FREM1: variants seen among roughly 807,000 people sequenced by gnomAD.
FREM1 encodes FRAS1 related extracellular matrix 1.
A neutral mutation model predicts 210.1 loss-of-function variants in FREM1; 220 were observed. The observed-to-expected ratio is 1.05, with a 90% CI of 0.94 to 1.17. FREM1 has a LOEUF of 1.17. FREM1 is among the 50% of genes most tolerant of loss of function. The probability of loss-of-function intolerance (pLI) is 0.00; values close to 1 mark genes in which losing one functional copy is unlikely to be tolerated. For missense variants in FREM1, 3,454 were observed against 2,675.5 expected (o/e 1.29, Z -6.42); for synonymous variants, 1,189 against 980.2 (o/e 1.21, Z -3.98).
chr9:14,903,685 A>G (rs1817120740), intron 1 of FREM1, among the ~76,000 whole-genome samples: 1 of 152,234 alleles, frequency 6.6e-6, no homozygotes, highest in Admixed American at 6.5e-5. Flanking sequence ...TGAAGGCAGA[A>G]GGACAACACT....
chr9:14,789,588 A>G (rs778654932), intron 22 of FREM1, among the ~76,000 whole-genome samples: 1 of 152,248 alleles, frequency 6.6e-6, no homozygotes, highest in Non-Finnish European at 1.5e-5. Flanking sequence ...GAACAAAAAT[A>G]GAACAGATGC....
intron 3 of FREM1, among the ~76,000 whole-genome samples, chr9:14,860,710 CAT>C (rs1564100593): frequency 4.5e-5 from 3 of 67,166 alleles, no homozygotes; most frequent in Non-Finnish European, 8.0e-5. Context: ...TATATACACA[CAT>C]ATATACACAT....
chr9:14,831,365 G>A (rs577476930), intron 10 of FREM1, among the ~76,000 whole-genome samples: 6 of 152,306 alleles, frequency 3.9e-5, no homozygotes, highest in South Asian at 4.1e-4. Flanking sequence ...CTTCTCTGGC[G>A]AGCACATGGT....
In FREM1 at chr9:14,863,832, G is replaced by C. The variant is rs1455528112; in HGVS notation, c.306C>G (p.Asp102Glu). The change falls in exon 3 of 37, where the codon GAC (aspartate) becomes GAG (glutamate). Residue 102 changes from aspartate (D) to glutamate (E), a missense_variant. By Grantham distance (45) the Asp-to-Glu change is conservative. Transcript: ENST00000380880. ...VHNGCPILDE[D>E]TVKLRLYRFT... is the part of the protein sequence containing the mutation. ...ACCTGTAAAGTCTGAGCTTCACTGT[G>C]TCTTCATCAAGAATTGGACAACCAT... is the stretch of plus-strand genomic sequence containing the variant. The C allele has an allele frequency of 2.5e-6, 4 of 1,612,124 alleles. No homozygotes were observed. The highest frequency in any genetic ancestry group is 2.5e-6 in the Non-Finnish European group (3 of 1,178,392).
intron 5 of FREM1, among the ~76,000 whole-genome samples, chr9:14,852,366 A>G (rs1341304291): frequency 1.3e-5 from 2 of 152,164 alleles, no homozygotes; most frequent in African/African-American, 2.4e-5. Flanking sequence ...ACAAGATCTA[A>G]GATCTCAACA....
chr9:14,748,681 C>A, intron 30 of FREM1, 42 bp from the exon 31 acceptor site: 1 of 1,283,256 alleles, frequency 7.8e-7, no homozygotes. Flanking sequence ...TCATTTTACA[C>A]AAACAGATAA....
At chr9:14,791,662 C>A (rs527697012) in intron 22 of FREM1, among the ~76,000 whole-genome samples, 1 of 152,212 alleles carries the variant, frequency 6.6e-6, no homozygotes, top group East Asian at 1.9e-4. Flanking sequence ...GAATACAGAA[C>A]AATTTGGCAT....
At chr9:14,780,433 G>GAAAAAAAAAAAAAAAAACAAAAAAA in intron 24 of FREM1, among the ~76,000 whole-genome samples, 1 of 81,536 alleles carries the variant, frequency 1.2e-5, no homozygotes, top group Non-Finnish European at 2.6e-5. Flanking sequence ...CAGCTCCTCA[G>GAAAAAAAAAAAAAAAAACAAAAAAA]AAAAAAAAAA....
chr9:14,903,048 C>G (rs537785357), intron 1 of FREM1, among the ~76,000 whole-genome samples: 3 of 152,196 alleles, frequency 2.0e-5, no homozygotes, highest in Non-Finnish European at 4.4e-5. Flanking sequence ...AAATCACCCT[C>G]GAGTGACATT....
At chr9:14,900,830 A>G (rs1000888291) in intron 1 of FREM1, among the ~76,000 whole-genome samples, 12 of 152,300 alleles carry the variant, frequency 7.9e-5, no homozygotes, top group African/African-American at 2.6e-4. Context: ...CTTATAGTGC[A>G]TGGAAATCAC....
intron 18 of FREM1, among the ~76,000 whole-genome samples, 156 bp from the exon 19 acceptor site, chr9:14,805,308 C>G (rs1285185375): frequency 6.6e-6 from 1 of 152,216 alleles, no homozygotes; most frequent in African/African-American, 2.4e-5. Flanking sequence ...GCTGCTACAA[C>G]AGCCAACCAT....
intron 27 of FREM1, among the ~76,000 whole-genome samples, chr9:14,767,776 AC>A (rs1287365715): frequency 2.0e-5 from 3 of 151,980 alleles, no homozygotes; most frequent in Non-Finnish European, 2.9e-5. Context: ...GAGTAATTTT[AC>A]CCCCCCATCG....
chr9:14,873,810 T>C (rs1052951446), intron 1 of FREM1, among the ~76,000 whole-genome samples: 1 of 152,254 alleles, frequency 6.6e-6, no homozygotes, highest in African/African-American at 2.4e-5. Context: ...CATTTAGTGC[T>C]ATAAATTTCC....
intron 22 of FREM1, chr9:14,790,820 T>C (rs1851179063): frequency 1.3e-5 from 2 of 152,234 alleles, no homozygotes; most frequent in Non-Finnish European, 1.5e-5. Context: ...TGGACCCATC[T>C]GCATTTTCAC....
chr9:14,808,135 C>G lies in FREM1; in HGVS notation c.2894-1G>C. ...CAAGGCATCAGGCCAATCTCGCCAC[C>G]TGGAAGACACAACTATAGCTGAAAC... On this transcript the variant is annotated splice_acceptor_variant, in intron 16 of 36. Coordinates refer to ENST00000380880, the MANE Select transcript of FREM1 (RefSeq NM_001379081.2). LOFTEE classifies it high-confidence loss of function. 1.3e-6 allele frequency: 2 copies of G among 1,580,080 alleles called. No homozygotes were observed. Among genetic ancestry groups the G allele is most frequent in the Non-Finnish European group, 8.6e-7 (1 of 1,161,720 alleles).
chr9:14,753,343 A>G (rs933937850), intron 29 of FREM1, among the ~76,000 whole-genome samples: 1 of 152,218 alleles, frequency 6.6e-6, no homozygotes, highest in Non-Finnish European at 1.5e-5. Flanking sequence ...TCCCTTGGAA[A>G]ACATTTTGAC....
At chr9:14,747,116 C>G (rs1842598099) in intron 33 of FREM1, 65 bp from the exon 34 acceptor site, 1 of 1,606,118 alleles carries the variant, frequency 6.2e-7, no homozygotes, top group Non-Finnish European at 8.5e-7. Context: ...CACACATTCA[C>G]CTCCTTTGGG....
At chr9:14,743,218 A>C (rs1841870576) in intron 35 of FREM1, among the ~76,000 whole-genome samples, 1 of 152,108 alleles carries the variant, frequency 6.6e-6, no homozygotes, top group South Asian at 2.1e-4. Context: ...TATGCTTTTA[A>C]ATTAATTTAG....
chr9:14,908,667 T>C (rs2132782848), intron 1 of FREM1, among the ~76,000 whole-genome samples: 1 of 152,306 alleles, frequency 6.6e-6, no homozygotes, highest in Non-Finnish European at 1.5e-5. Context: ...AAACTCAGGT[T>C]TCTTATTTAG....
Sources: gnomAD v4.1 joint callset for allele counts (sites outside exome capture counted in the v4.1 genomes callset) on GRCh38, gnomAD v4.1.1 for gene constraint, MANE v1.5 for transcripts, NCBI Gene and HGNC (gene_info 2026-07-23, HGNC 2026-07-21) for gene names.